The following DIP2C variants were observed in gnomAD, a reference collection of about 807,000 sequenced individuals.
DIP2C encodes disco-interacting protein 2 homolog C.
A neutral mutation model predicts 192.4 loss-of-function variants in DIP2C; 33 were observed. The observed-to-expected ratio is 0.17, with a 90% CI of 0.13 to 0.23. The LOEUF (loss-of-function observed/expected upper bound fraction) is 0.23. Among genes scored for constraint, DIP2C ranks in the 10% least tolerant of loss-of-function variants. The pLI is 1.00. For missense variants in DIP2C, 1,537 were observed against 2,110.1 expected, an observed-to-expected ratio of 0.73 and a Z score of 5.32; for synonymous variants, 979 against 864.1, an observed-to-expected ratio of 1.13 and a Z score of -2.33.
chr10:436,271 G>C (rs373290402), intron 4 of DIP2C, among the ~76,000 whole-genome samples: 6 of 152,186 alleles, frequency 3.9e-5, no homozygotes, highest in African/African-American at 1.4e-4. Flanking sequence ...GCACATTGTG[G>C]GTAACGTGTT....
chr10:472,196 T>C (rs1366086036), intron 3 of DIP2C, among the ~76,000 whole-genome samples: 1 of 152,204 alleles, frequency 6.6e-6, no homozygotes, highest in East Asian at 1.9e-4. Flanking sequence ...CACGAGATTA[T>C]AATCTTTTTA....
chr10:324,113 C>T (rs1434578619), intron 31 of DIP2C, among the ~76,000 whole-genome samples: 2 of 152,158 alleles, frequency 1.3e-5, no homozygotes, highest in Non-Finnish European at 2.9e-5. Context: ...GTGTTCGTGG[C>T]ACTCTATCCT....
intron 1 of DIP2C, among the ~76,000 whole-genome samples, chr10:493,717 G>C (rs139588268): frequency 2.6e-5 from 4 of 152,334 alleles, no homozygotes; most frequent in Non-Finnish European, 5.9e-5. Flanking sequence ...AGGTGGACAG[G>C]AGAAAGGATG....
At chr10:583,699 CCA>C (rs1363418673) in intron 1 of DIP2C, among the ~76,000 whole-genome samples, 1 of 152,160 alleles carries the variant, frequency 6.6e-6, no homozygotes. Context: ...AGCAGTTCTG[CCA>C]CGGTCATCCT....
At chr10:308,327 C>T (rs1248198682) in intron 32 of DIP2C, among the ~76,000 whole-genome samples, 2 of 151,856 alleles carry the variant, frequency 1.3e-5, no homozygotes, top group Non-Finnish European at 2.9e-5. Context: ...AAGTGAACTG[C>T]ACCGCCAGCT....
intron 7 of DIP2C, among the ~76,000 whole-genome samples, chr10:415,484 C>T (rs1965567088): frequency 6.6e-6 from 1 of 152,134 alleles, no homozygotes; most frequent in Admixed American, 6.5e-5. Flanking sequence ...CATGTTTATA[C>T]TTTACTTGTA....
At position 461,679 on chromosome 10, in the gene DIP2C, G is replaced by A. The variant is rs142572469; in HGVS notation, c.268+10760C>T. On this transcript the variant is annotated intron_variant, in intron 3 of 36. Coordinates refer to ENST00000280886, the MANE Select transcript of DIP2C (RefSeq NM_014974.3). ...ACTTGAACTCAGCTCTGGGCCAAGC[G>A]GACCTAATAGACATCTACAAAACTC... Among the ~76,000 whole-genome samples the A allele has an allele frequency of 3.9e-3, 586 of 152,150 alleles. 1 individual carries two copies. The highest frequency in any genetic ancestry group is 0.01 in the Middle Eastern group (3 of 294).
intron 1 of DIP2C, among the ~76,000 whole-genome samples, chr10:567,215 A>G (rs554401034): frequency 2.0e-5 from 3 of 152,112 alleles, no homozygotes; most frequent in South Asian, 2.1e-4. Context: ...TTAAGACACA[A>G]TATCACTCTG....
intron 1 of DIP2C, among the ~76,000 whole-genome samples, chr10:551,712 C>T (rs1249015841): frequency 1.3e-5 from 2 of 152,232 alleles, no homozygotes; most frequent in African/African-American, 4.8e-5. Context: ...CAAGAGCAAA[C>T]ACAGCCATCT....
intron 1 of DIP2C, among the ~76,000 whole-genome samples, chr10:541,324 G>A (rs1168716641): frequency 6.6e-6 from 1 of 152,140 alleles, no homozygotes; most frequent in Non-Finnish European, 1.5e-5. Context: ...GACATGCTCA[G>A]GTCCAGCTGC....
At chr10:365,602 A>T (rs779439808) in intron 19 of DIP2C, among the ~76,000 whole-genome samples, 2 of 152,238 alleles carry the variant, frequency 1.3e-5, no homozygotes, top group Non-Finnish European at 2.9e-5. Flanking sequence ...TTTCTTACAT[A>T]TAACTTAAAT....
chr10:537,683 C>G (rs950268366), intron 1 of DIP2C, among the ~76,000 whole-genome samples: 1 of 152,138 alleles, frequency 6.6e-6, no homozygotes, highest in African/African-American at 2.4e-5. Flanking sequence ...AGGGAAGACA[C>G]GAGACACAGG....
intron 31 of DIP2C, among the ~76,000 whole-genome samples, chr10:319,156 A>G (rs1005691935): frequency 3.3e-5 from 5 of 151,336 alleles, no homozygotes; most frequent in African/African-American, 1.2e-4. Context: ...CAAATAATCC[A>G]CCCGCCTCAG....
chr10:399,610 T>C lies in DIP2C; in HGVS notation c.1150-391A>G, dbSNP rs147404436. 2.8e-3 allele frequency among the ~76,000 whole-genome samples: 419 copies of C among 152,328 alleles called. 2 individuals carry two copies. Among genetic ancestry groups the C allele is most frequent in the African/African-American group, 9.7e-3 (404 of 41,570 alleles). ...TGTGCAGGACTCAGCTCAGATCCCA[T>C]GGCAGTGTTTGGCTCTGGGATCTCA... is the stretch of plus-strand genomic sequence containing the variant. On this transcript the variant is annotated intron_variant, in intron 9 of 36. Coordinates refer to ENST00000280886, the MANE Select transcript of DIP2C (RefSeq NM_014974.3).
At chr10:507,627 C>T (rs1845707274) in intron 1 of DIP2C, among the ~76,000 whole-genome samples, 1 of 152,254 alleles carries the variant, frequency 6.6e-6, no homozygotes, top group Non-Finnish European at 1.5e-5. Flanking sequence ...ATCTCAGCTT[C>T]CTTCAAAACT....
At position 379,301 on chromosome 10, in the gene DIP2C, G is replaced by A. The variant is rs548433707; in HGVS notation, c.1991+3346C>T. Among the ~76,000 whole-genome samples, 3 of 150,310 alleles carry A rather than the reference G, an allele frequency of 2.0e-5. No individual in the cohort carries two copies. The South Asian group carries it at 6.5e-4, about 32-fold the overall frequency. On this transcript the variant is annotated intron_variant, in intron 17 of 36. Coordinates refer to ENST00000280886, the MANE Select transcript of DIP2C (RefSeq NM_014974.3). The stretch of plus-strand genomic sequence containing the variant: ...ACTAGGGCTGCTGCTGCTCCCGGAA[G>A]TGCCCGTGCATCCTGCGTATTTATC...
chr10:300,097 T>C (rs550323332), intron 32 of DIP2C, among the ~76,000 whole-genome samples: 1 of 152,246 alleles, frequency 6.6e-6, no homozygotes, highest in African/African-American at 2.4e-5. Context: ...TGGAAAACAG[T>C]ATGGCAGTTC....
intron 1 of DIP2C, among the ~76,000 whole-genome samples, chr10:602,526 G>A (rs1356343477): frequency 6.6e-6 from 1 of 152,206 alleles, no homozygotes; most frequent in East Asian, 1.9e-4. Context: ...GCCTGAAGGA[G>A]CCCTCCTGCT....
intron 32 of DIP2C, among the ~76,000 whole-genome samples, chr10:301,532 C>T (rs1225156448): frequency 3.9e-5 from 6 of 151,980 alleles, no homozygotes; most frequent in African/African-American, 7.3e-5. Context: ...TACACTGACA[C>T]GGCAAAGTGA....
Sources: gnomAD v4.1 joint callset for allele counts (sites outside exome capture counted in the v4.1 genomes callset) on GRCh38, gnomAD v4.1.1 for gene constraint, MANE v1.5 for transcripts, NCBI Gene and HGNC (gene_info 2026-07-23, HGNC 2026-07-21) for gene names.